The following SEMA5A variants were observed in gnomAD, a reference collection of about 807,000 sequenced individuals.
SEMA5A encodes the protein semaphorin-5A.
SEMA5A carries 55 observed loss-of-function variants against 135.5 expected under a neutral mutation model. That is an observed-to-expected ratio of 0.41 (90% CI 0.33 to 0.51). The LOEUF (loss-of-function observed/expected upper bound fraction) is 0.51, where lower values mean the gene tolerates loss of function less well. Among genes scored for constraint, SEMA5A ranks in the 20% least tolerant of loss-of-function variants. The probability of loss-of-function intolerance (pLI) is 0.37; values close to 1 mark genes in which losing one functional copy is unlikely to be tolerated. For synonymous variants in SEMA5A, 580 were observed against 546.5 expected, an observed-to-expected ratio of 1.06 and a Z score of -0.85; for missense variants, 1,290 against 1,419.9, an observed-to-expected ratio of 0.91 and a Z score of 1.47.
At chr5:9,403,503 T>G (rs1291458851) in intron 2 of SEMA5A, among the ~76,000 whole-genome samples, 9 of 152,208 alleles carry the variant, frequency 5.9e-5, no homozygotes, top group African/African-American at 1.9e-4. Context: ...AACATTCAGC[T>G]GCTCGTTACA....
At chr5:9,167,757 A>G (rs1044648970) in intron 11 of SEMA5A, among the ~76,000 whole-genome samples, 1 of 152,214 alleles carries the variant, frequency 6.6e-6, no homozygotes, top group Non-Finnish European at 1.5e-5. Context: ...AAGTCAAACC[A>G]AAGAATAAAT....
intron 1 of SEMA5A, among the ~76,000 whole-genome samples, chr5:9,492,616 T>C (rs1423177617): frequency 2.6e-5 from 4 of 152,186 alleles, no homozygotes; most frequent in African/African-American, 9.7e-5. Context: ...TGCAATTCTA[T>C]TTACTTTCCA....
intron 5 of SEMA5A, among the ~76,000 whole-genome samples, chr5:9,277,826 G>A (rs1040297749): frequency 1.8e-4 from 28 of 152,068 alleles, no homozygotes; most frequent in African/African-American, 6.3e-4. Context: ...CGGGGCTAGG[G>A]GAGGGATAGC....
chr5:9,540,953 A>G (rs1329534894), intron 1 of SEMA5A, among the ~76,000 whole-genome samples: 1 of 152,224 alleles, frequency 6.6e-6, no homozygotes, highest in African/African-American at 2.4e-5. Flanking sequence ...TCAGGAGAAT[A>G]GAAGTTTCGG....
At chr5:9,425,292 T>C (rs1001806749) in intron 2 of SEMA5A, among the ~76,000 whole-genome samples, 2 of 152,240 alleles carry the variant, frequency 1.3e-5, no homozygotes, top group Non-Finnish European at 2.9e-5. Context: ...CAAAAATGTA[T>C]GCTCAGAGAG....
rs993120791 is a variant in SEMA5A at position 9,036,593 on chromosome 5, T to C, written c.*6304A>G. The C allele has an allele frequency of 6.6e-6, 1 of 152,374 alleles. No homozygotes were observed. The highest frequency in any genetic ancestry group is 2.4e-5 in the African/African-American group (1 of 41,448). The allele number at this position is 152,374 out of a possible 1,614,324, so 9.4% of individuals were successfully genotyped here. On this transcript the variant is annotated 3_prime_UTR_variant, in exon 23 of 23. Transcript: ENST00000382496. Reference sequence around the variant, plus strand: ...TAAAAATTAAAGTGATGTTAGTTTCTAGAAGGCTAATACTGAAGTCACCTC... The same window carrying C: ...TAAAAATTAAAGTGATGTTAGTTTCCAGAAGGCTAATACTGAAGTCACCTC...
At chr5:9,358,729 AG>A (rs1253657445) in intron 3 of SEMA5A, among the ~76,000 whole-genome samples, 2 of 152,230 alleles carry the variant, frequency 1.3e-5, no homozygotes, top group Non-Finnish European at 2.9e-5. Flanking sequence ...TAAGTCATTC[AG>A]TGCACCCTCT....
chr5:9,374,941 T>C (rs1018215865), intron 3 of SEMA5A, among the ~76,000 whole-genome samples: 4 of 152,122 alleles, frequency 2.6e-5, no homozygotes, highest in Non-Finnish European at 5.9e-5. Flanking sequence ...GGGTCTCTGC[T>C]TAAACAATCA....
chr5:9,289,272 A>G (rs1197845235), intron 5 of SEMA5A, among the ~76,000 whole-genome samples: 1 of 152,270 alleles, frequency 6.6e-6, no homozygotes, highest in African/African-American at 2.4e-5. Flanking sequence ...ATTATGTTAT[A>G]GTCTGATTTA....
chr5:9,533,579 G>A (rs561770300), intron 1 of SEMA5A, among the ~76,000 whole-genome samples: 1 of 152,222 alleles, frequency 6.6e-6, no homozygotes, highest in African/African-American at 2.4e-5. Context: ...TAAATATAGA[G>A]CATTTAATTA....
At chr5:9,148,710 C>A (rs1244724307) in intron 12 of SEMA5A, among the ~76,000 whole-genome samples, 7 of 151,866 alleles carry the variant, frequency 4.6e-5, no homozygotes, top group Admixed American at 2.0e-4. Flanking sequence ...TGTCACCTGG[C>A]CATTTTGTTT....
chr5:9,202,700 A>G (rs1276421507), intron 8 of SEMA5A, among the ~76,000 whole-genome samples: 2 of 152,242 alleles, frequency 1.3e-5, no homozygotes, highest in Non-Finnish European at 2.9e-5. Context: ...TGACTTATAT[A>G]CATTCCTGTG....
intron 5 of SEMA5A, among the ~76,000 whole-genome samples, chr5:9,283,623 G>C (rs1181190314): frequency 3.3e-5 from 5 of 152,166 alleles, no homozygotes; most frequent in East Asian, 3.9e-4. Flanking sequence ...TCACATTCAA[G>C]GGGAGGGGAT....
chr5:9,258,886 C>T (rs1442902565), intron 5 of SEMA5A, among the ~76,000 whole-genome samples: 2 of 122,406 alleles, frequency 1.6e-5, no homozygotes, highest in Non-Finnish European at 3.2e-5. Flanking sequence ...ATGATCTCTG[C>T]TCACTGGAAC....
At chr5:9,498,947 T>C (rs1735440550) in intron 1 of SEMA5A, among the ~76,000 whole-genome samples, 1 of 152,222 alleles carries the variant, frequency 6.6e-6, no homozygotes, top group African/African-American at 2.4e-5. Context: ...CAAACAGATA[T>C]ATTAGTTATG....
intron 1 of SEMA5A, among the ~76,000 whole-genome samples, chr5:9,496,972 G>A (rs1460880022): frequency 1.3e-5 from 2 of 152,218 alleles, no homozygotes; most frequent in Admixed American, 6.5e-5. Flanking sequence ...TGCATAGAGA[G>A]AACAGGCCTT....
At chr5:9,463,469 T>C (rs771336737) in intron 1 of SEMA5A, among the ~76,000 whole-genome samples, 1 of 152,150 alleles carries the variant, frequency 6.6e-6, no homozygotes, top group Non-Finnish European at 1.5e-5. Flanking sequence ...TTTTCTAAAC[T>C]GTCAGTGGCA....
intron 2 of SEMA5A, among the ~76,000 whole-genome samples, chr5:9,396,809 T>TG (rs777543858): frequency 8.5e-5 from 13 of 152,206 alleles, no homozygotes; most frequent in Non-Finnish European, 1.9e-4. Flanking sequence ...TGTAGCATTA[T>TG]GAGCCTCCTG....
chr5:9,053,982 C>G, intron 19 of SEMA5A, 105 bp downstream of exon 19: 3 of 1,348,052 alleles, frequency 2.2e-6, no homozygotes, highest in Admixed American at 2.4e-5. Flanking sequence ...GCCCACCCCC[C>G]TTTCAGTACT....
Sources: gnomAD v4.1 joint callset for allele counts (sites outside exome capture counted in the v4.1 genomes callset) on GRCh38, gnomAD v4.1.1 for gene constraint, MANE v1.5 for transcripts, NCBI Gene and HGNC (gene_info 2026-07-23, HGNC 2026-07-21) for gene names.